FIP1L1: variants seen among roughly 807,000 people sequenced by gnomAD.
FIP1L1 encodes the protein pre-mRNA 3'-end-processing factor FIP1.
Under a neutral mutation model 84.6 loss-of-function variants are expected in FIP1L1, and 21 were observed. The observed-to-expected ratio is 0.25, with a 90% CI of 0.18 to 0.36. The LOEUF is 0.36. Ranked by LOEUF, FIP1L1 falls within the 10% of genes least tolerant of loss-of-function variation. The pLI is 1.00. For missense variants in FIP1L1, 526 were observed against 751.1 expected, an observed-to-expected ratio of 0.70 and a Z score of 3.50; for synonymous variants, 263 against 242.3, an observed-to-expected ratio of 1.09 and a Z score of -0.80.
At chr4:53,411,737 C>T (rs915111480) in intron 10 of FIP1L1, among the ~76,000 whole-genome samples, 42 of 152,124 alleles carry the variant, frequency 2.8e-4, no homozygotes, top group East Asian at 7.7e-4. Context: ...AATATTTTTT[C>T]GTACTTTATC....
chr4:53,384,175 G>T (rs1398057651), intron 5 of FIP1L1, among the ~76,000 whole-genome samples: 1 of 152,110 alleles, frequency 6.6e-6, no homozygotes, highest in Non-Finnish European at 1.5e-5. Context: ...TTGGGAGGCC[G>T]AGGCGGGTGA....
intron 3 of FIP1L1, among the ~76,000 whole-genome samples, chr4:53,381,708 C>G (rs1196877363): frequency 6.8e-6 from 1 of 147,372 alleles, no homozygotes; most frequent in Non-Finnish European, 1.5e-5. Context: ...TTATAGCCCA[C>G]CATCAAATTA....
At chr4:53,409,113 CA>C (rs1755587373) in intron 10 of FIP1L1, among the ~76,000 whole-genome samples, 1 of 152,106 alleles carries the variant, frequency 6.6e-6, no homozygotes, top group Admixed American at 6.5e-5. Flanking sequence ...GTTTTTTCCC[CA>C]TCTTTGTGGT....
chr4:53,393,974 G>A (rs554686311), intron 9 of FIP1L1, among the ~76,000 whole-genome samples: 21 of 151,566 alleles, frequency 1.4e-4, no homozygotes, highest in African/African-American at 5.1e-4. Context: ...GGATATCTTC[G>A]AATGGTCTTC....
At chr4:53,447,317 CATTT>C (rs995640264) in intron 15 of FIP1L1, among the ~76,000 whole-genome samples, 16 of 152,030 alleles carry the variant, frequency 1.1e-4, no homozygotes, top group African/African-American at 3.9e-4. Flanking sequence ...CTCCTCTTCT[CATTT>C]ATATATGTAT....
Position 53,459,377 on chromosome 4 carries a change from C to T in FIP1L1, c.1713C>T (p.Ser571=). 3 of 1,598,330 alleles carry T rather than the reference C, an allele frequency of 1.9e-6. No homozygotes were observed. Among genetic ancestry groups the T allele is most frequent in the Non-Finnish European group, 2.6e-6 (3 of 1,176,244 alleles). Residue 571 remains serine, a synonymous_variant, in exon 18 of 18, where the codon AGC becomes AGT. Transcript: ENST00000337488. ...RRHKHKKSKR[S]KEGKEAGSEP... ...ACAAACACAAAAAATCTAAAAGAAGCAAAGAAGGAAAAGAAGCGGGCAGTG... is the reference window on the plus strand; with the variant it reads ...ACAAACACAAAAAATCTAAAAGAAGTAAAGAAGGAAAAGAAGCGGGCAGTG...
chr4:53,377,696 G>A lies in FIP1L1; in HGVS notation c.-143G>A. On this transcript the variant is annotated 5_prime_UTR_variant, in exon 1 of 18. Coordinates refer to ENST00000337488, the MANE Select transcript of FIP1L1 (RefSeq NM_030917.4). The stretch of plus-strand genomic sequence containing the variant: ...CTTCATCTTTGCCGCCGCTGCCGTC[G>A]CCTTCCTGGGATTGGAGTCTCGAGC... 1 of 691,718 alleles carries A rather than the reference G, an allele frequency of 1.4e-6. No individual in the cohort carries two copies. Among genetic ancestry groups the A allele is most frequent in the Non-Finnish European group, 2.3e-6 (1 of 442,300 alleles). 42.8% of individuals were successfully genotyped at this position (691,718 alleles called of 1,614,324 possible).
At chr4:53,407,124 C>A (rs1328447705) in intron 10 of FIP1L1, among the ~76,000 whole-genome samples, 1 of 152,000 alleles carries the variant, frequency 6.6e-6, no homozygotes, top group East Asian at 1.9e-4. Context: ...TTAGATCTTT[C>A]CTTCTTTCTC....
At chr4:53,447,902 C>G (rs542269353) in intron 15 of FIP1L1, among the ~76,000 whole-genome samples, 2 of 152,102 alleles carry the variant, frequency 1.3e-5, no homozygotes, top group Non-Finnish European at 1.5e-5. Flanking sequence ...CACATGAGTT[C>G]AGGTGTGGAA....
intron 10 of FIP1L1, among the ~76,000 whole-genome samples, chr4:53,408,400 C>T (rs1167726166): frequency 4.6e-5 from 7 of 152,110 alleles, no homozygotes; most frequent in South Asian, 2.1e-4. Flanking sequence ...GTGGGTAACC[C>T]GACCTTTCTC....
intron 13 of FIP1L1, among the ~76,000 whole-genome samples, chr4:53,429,196 T>C (rs971054140): frequency 1.3e-5 from 2 of 152,148 alleles, no homozygotes; most frequent in African/African-American, 4.8e-5. Context: ...ACCTCTACTC[T>C]CAAAAAGTAT....
At chr4:53,436,681 A>C (rs1769353353) in intron 13 of FIP1L1, among the ~76,000 whole-genome samples, 2 of 152,216 alleles carry the variant, frequency 1.3e-5, no homozygotes, top group South Asian at 4.1e-4. Context: ...GACTACATTG[A>C]GAATGAGTTT....
intron 13 of FIP1L1, among the ~76,000 whole-genome samples, chr4:53,439,358 G>T (rs1481057762): frequency 6.6e-6 from 1 of 152,018 alleles, no homozygotes; most frequent in Admixed American, 6.6e-5. Context: ...TGTTGGCTTT[G>T]TAAGTTTGGA....
intron 15 of FIP1L1, among the ~76,000 whole-genome samples, chr4:53,446,064 A>G (rs1231489712): frequency 1.3e-5 from 2 of 152,188 alleles, no homozygotes; most frequent in Non-Finnish European, 2.9e-5. Context: ...ATACACTTCT[A>G]GGTATCTCTA....
intron 13 of FIP1L1, among the ~76,000 whole-genome samples, chr4:53,436,507 C>T (rs1769260230): frequency 6.6e-6 from 1 of 152,106 alleles, no homozygotes; most frequent in Non-Finnish European, 1.5e-5. Context: ...AAATAACTGT[C>T]TTTTGTAACC....
rs568290522 is a variant in FIP1L1, at chr4:53,411,498, C to T, written c.816-3117C>T. ...ATAAAAGTATTTTTTTTGTTTTATT[C>T]GTTATATTTATGGAGATTGGATAGA... On this transcript the variant is annotated intron_variant, in intron 10 of 17. Transcript: ENST00000337488. 1.3e-4 allele frequency among the ~76,000 whole-genome samples: 20 copies of T among 151,658 alleles called. 1 individual carries two copies. The South Asian group carries it at 2.1e-3, about 16-fold the overall frequency.
intron 16 of FIP1L1, among the ~76,000 whole-genome samples, chr4:53,454,505 T>C (rs145115741): frequency 0.015 from 2,263 of 152,298 alleles, 60 homozygotes; most frequent in African/African-American, 0.052. Context: ...AAGGAGGAGC[T>C]TTCCACCATC....
At chr4:53,442,561 A>C in intron 13 of FIP1L1, 92 bp from the exon 14 acceptor site, 1 of 826,308 alleles carries the variant, frequency 1.2e-6, no homozygotes. Context: ...TCATATCCCC[A>C]GAGAAATTTA....
chr4:53,445,555 G>A (rs1198464782), intron 15 of FIP1L1, among the ~76,000 whole-genome samples: 1 of 152,156 alleles, frequency 6.6e-6, no homozygotes, highest in African/African-American at 2.4e-5. Context: ...AAGGAGCAAT[G>A]AATTTTTAGA....
Sources: gnomAD v4.1 joint callset for allele counts (sites outside exome capture counted in the v4.1 genomes callset) on GRCh38, gnomAD v4.1.1 for gene constraint, MANE v1.5 for transcripts, NCBI Gene and HGNC (gene_info 2026-07-23, HGNC 2026-07-21) for gene names.